CTDP1: variants seen among roughly 807,000 people sequenced by gnomAD.
The protein encoded by CTDP1 is RNA polymerase II subunit A C-terminal domain phosphatase.
A neutral mutation model predicts 91.8 loss-of-function variants in CTDP1; 47 were observed. The observed-to-expected ratio is 0.51, with a 90% CI of 0.41 to 0.65. CTDP1 has a LOEUF of 0.65. CTDP1 is among the 30% of genes least tolerant of loss of function. CTDP1 has a pLI of 0.00. For missense variants in CTDP1, 1,272 were observed against 1,373.7 expected (o/e 0.93, Z 1.17); for synonymous variants, 656 against 598.5 (o/e 1.10, Z -1.40).
chr18:79,698,280 G>A (rs959399255), intron 4 of CTDP1, among the ~76,000 whole-genome samples: 18 of 152,124 alleles, frequency 1.2e-4, no homozygotes, highest in African/African-American at 3.6e-4. Context: ...GAAACGTCCC[G>A]AGCCTGTGAG....
chr18:79,745,307 C>CGTTCTGTCCCTGCATCCCTCCCGTGCGG (rs2086861669), intron 12 of CTDP1, among the ~76,000 whole-genome samples: 3 of 68,088 alleles, frequency 4.4e-5, no homozygotes, highest in African/African-American at 5.6e-5. Flanking sequence ...CTCCCGTGCG[C>CGTTCTGTCCCTGCATCCCTCCCGTGCGG]GTTCTGTCCC....
intron 12 of CTDP1, among the ~76,000 whole-genome samples, chr18:79,750,816 C>G (rs1444960819): frequency 1.3e-5 from 2 of 151,828 alleles, no homozygotes; most frequent in East Asian, 3.9e-4. Context: ...GCCCTGCCTA[C>G]TCCGCTTTTA....
At chr18:79,753,525 C>G in intron 12 of CTDP1, 127 bp from the exon 13 acceptor site, 1 of 1,470,830 alleles carries the variant, frequency 6.8e-7, no homozygotes, top group South Asian at 1.2e-5. Context: ...CTGTGTGTGT[C>G]CTTGACCAGA....
At chr18:79,708,336 G>A (rs1023952676) in intron 5 of CTDP1, among the ~76,000 whole-genome samples, 6 of 152,214 alleles carry the variant, frequency 3.9e-5, no homozygotes, top group Non-Finnish European at 5.9e-5. Flanking sequence ...TGTGTTTCTC[G>A]CATTTGTGAT....
Position 79,717,999 on chromosome 18 carries a change from G to A in CTDP1, c.2400G>A (p.Gln800=). 1 of 1,613,368 alleles carries A rather than the reference G, an allele frequency of 6.2e-7. No homozygotes were observed. Among genetic ancestry groups the A allele is most frequent in the Non-Finnish European group, 8.5e-7 (1 of 1,179,914 alleles). Residue 800 remains glutamine (Q), a synonymous_variant, in exon 10 of 13, where the codon CAG becomes CAA. Coordinates refer to ENST00000613122, the MANE Select transcript of CTDP1 (RefSeq NM_004715.5). ...CCTCCAGCTCCCTACCCATCCGCCA[G>A]GAGCCCTCTTCCTTCAGGTACGTGG... ...PAPSSSLPIR[Q]EPSSFRAVPP...
Position 79,679,941 on chromosome 18 carries a change from G to C in CTDP1, c.-7G>C. 1 of 1,384,522 alleles carries C rather than the reference G, an allele frequency of 7.2e-7. No individual in the cohort carries two copies. The highest frequency in any genetic ancestry group is 2.7e-4 in the Middle Eastern group (1 of 3,710). The allele number at this position is 1,384,522 out of a possible 1,614,324, so 85.8% of individuals were successfully genotyped here. A position where few individuals can be genotyped will look rare whatever the true frequency, so the allele number is the denominator to read the frequency against. On this transcript the variant is annotated 5_prime_UTR_variant, in exon 1 of 13. Coordinates refer to ENST00000613122, the MANE Select transcript of CTDP1 (RefSeq NM_004715.5). Reference sequence around the variant, plus strand: ...CGTACCGACCGCCCGCCCGCCCTCTGTCCGCGATGGAGGTGCCGGCCGCGG... The same window carrying C: ...CGTACCGACCGCCCGCCCGCCCTCTCTCCGCGATGGAGGTGCCGGCCGCGG...
chr18:79,718,067 T>G (rs2086258681), intron 10 of CTDP1, 51 bp downstream of exon 10: 1 of 1,600,500 alleles, frequency 6.2e-7, no homozygotes, highest in Non-Finnish European at 8.5e-7. Flanking sequence ...TCTTCAAGCT[T>G]GCTGCTCCAG....
rs2087050612 is a variant in CTDP1, at chr18:79,753,808, G to A, written c.*18G>A. On this transcript the variant is annotated 3_prime_UTR_variant, in exon 13 of 13. Coordinates refer to ENST00000613122, the MANE Select transcript of CTDP1 (RefSeq NM_004715.5). ...TCATGTGAGCGCGGGCAGCGGGCAG[G>A]GACTGAAGCCTGACCGACCTCCAGC... 1.2e-6 allele frequency: 2 copies of A among 1,611,310 alleles called. No homozygotes were observed. Among genetic ancestry groups the A allele is most frequent in the African/African-American group, 1.3e-5 (1 of 74,882 alleles).
chr18:79,734,094 T>C (rs2086620584), intron 11 of CTDP1, among the ~76,000 whole-genome samples: 1 of 152,234 alleles, frequency 6.6e-6, no homozygotes, highest in Non-Finnish European at 1.5e-5. Context: ...AACCACACTT[T>C]GAATTAGAAG....
At chr18:79,736,152 T>G in intron 11 of CTDP1, 1 of 654,242 alleles carries the variant, frequency 1.5e-6, no homozygotes, top group South Asian at 1.9e-5. Context: ...GGGTTTGCTC[T>G]GTGGATTTCC....
chr18:79,693,882 C>G (rs2085677774), intron 1 of CTDP1, among the ~76,000 whole-genome samples: 1 of 148,010 alleles, frequency 6.8e-6, no homozygotes, highest in Non-Finnish European at 1.5e-5. Flanking sequence ...AGGCTACAGA[C>G]CCGCCCCTCC....
At chr18:79,701,092 T>A (rs2085847259) in intron 4 of CTDP1, among the ~76,000 whole-genome samples, 1 of 152,194 alleles carries the variant, frequency 6.6e-6, no homozygotes, top group Non-Finnish European at 1.5e-5. Flanking sequence ...ATGCACCTGG[T>A]CACCCAAGAG....
chr18:79,693,864 A>C lies in CTDP1; in HGVS notation c.315-1361A>C, dbSNP rs571487431. On this transcript the variant is annotated intron_variant, in intron 1 of 12. Coordinates refer to ENST00000613122, the MANE Select transcript of CTDP1 (RefSeq NM_004715.5). ...AGACCCGCCCCTCCGAGTCTCCCTG[A>C]AGGATGCAGGCTACAGACCCGCCCC... Among the ~76,000 whole-genome samples, 360 of 140,714 alleles carry C rather than the reference A, an allele frequency of 2.6e-3. 3 individuals carry two copies. The highest frequency in any genetic ancestry group is 0.01 in the African/African-American group (340 of 33,728). The allele number at this position is 140,714 out of a possible 152,430, so 92.3% of individuals were successfully genotyped here.
At chr18:79,706,619 C>T (rs527838774) in intron 5 of CTDP1, among the ~76,000 whole-genome samples, 4 of 152,204 alleles carry the variant, frequency 2.6e-5, no homozygotes, top group Middle Eastern at 3.4e-3. Context: ...GTTTACATAC[C>T]GTTCTTTTCA....
rs776205567 is a variant in CTDP1 at position 79,714,474 on chromosome 18, T to C, written c.1031-17T>C. ...ATGCTAAATTGCGGTAACTTTTCCT[T>C]TTGCATGCATATTTAGTAAATCATT... On this transcript the variant is annotated splice_polypyrimidine_tract_variant and intron_variant, in intron 7 of 12. Transcript: ENST00000613122. 3.1e-6 allele frequency: 5 copies of C among 1,612,588 alleles called. No homozygotes were observed. The highest frequency in any genetic ancestry group is 3.4e-6 in the Non-Finnish European group (4 of 1,179,554).
In CTDP1 at chr18:79,694,804, T is replaced by C. The variant is rs536042938; in HGVS notation, c.315-421T>C. Among the ~76,000 whole-genome samples the C allele has an allele frequency of 1.2e-4, 19 of 152,308 alleles. No homozygotes were observed. The East Asian group carries it at 3.7e-3, about 29-fold the overall frequency. ...CATTACAGTCATTTTGTCAGGAAAA[T>C]GTAGTTGCATCAGCCTCTGTCTAGA... is the stretch of plus-strand genomic sequence containing the variant. On this transcript the variant is annotated intron_variant, in intron 1 of 12. Transcript: ENST00000613122.
At chr18:79,686,172 G>A (rs897324690) in intron 1 of CTDP1, among the ~76,000 whole-genome samples, 8 of 152,148 alleles carry the variant, frequency 5.3e-5, no homozygotes, top group Admixed American at 3.9e-4. Context: ...TTTGAAGCAC[G>A]TCTGCCTGGA....
At chr18:79,741,683 G>GT (rs1202147552) in intron 12 of CTDP1, among the ~76,000 whole-genome samples, 1 of 152,250 alleles carries the variant, frequency 6.6e-6, no homozygotes, top group Non-Finnish European at 1.5e-5. Flanking sequence ...CCACAGGGGT[G>GT]TGTGGTCAGC....
At position 79,680,227 on chromosome 18, in the gene CTDP1, C is replaced by A. The variant is rs774697090; in HGVS notation, c.280C>A (p.Leu94Met). ...GGAGCGCGCGGGCGTGGTGCGGGAG[C>A]TGTGCGCGCAGCCGGGCCAGGTGGT... is the stretch of plus-strand genomic sequence containing the variant. ...RSERAGVVRE[L>M]CAQPGQVVAP... Residue 94 changes from leucine (L) to methionine (M), a missense_variant, in exon 1 of 13, where the codon CTG (leucine) becomes ATG (methionine). Leu to Met is a conservative substitution (Grantham distance 15). Around this residue, in one of 3 missense-constraint regions of CTDP1, gnomAD observed 214 missense variants for 179.1 expected, o/e 1.19. Transcript: ENST00000613122. 126 of 1,353,978 alleles carry A rather than the reference C, an allele frequency of 9.3e-5. 2 individuals carry two copies. The South Asian group carries it at 1.7e-3, about 18-fold the overall frequency. 83.9% of individuals were successfully genotyped at this position (1,353,978 alleles called of 1,614,324 possible).
Sources: gnomAD v4.1 joint callset for allele counts (sites outside exome capture counted in the v4.1 genomes callset) on GRCh38, gnomAD v4.1.1 for gene constraint, gnomAD v4.1.1 regional missense constraint, MANE v1.5 for transcripts, NCBI Gene and HGNC (gene_info 2026-07-23, HGNC 2026-07-21) for gene names.